The following UNC5C variants were observed in gnomAD, a reference collection of about 807,000 sequenced individuals.
The protein encoded by UNC5C is unc-5 netrin receptor C.
UNC5C carries 47 observed loss-of-function variants against 99.8 expected under a neutral mutation model. The observed-to-expected ratio is 0.47, with a 90% CI of 0.37 to 0.60. The LOEUF (loss-of-function observed/expected upper bound fraction) is 0.60, where lower values mean the gene tolerates loss of function less well. UNC5C is among the 20% of genes least tolerant of loss of function. The pLI, the probability that UNC5C is intolerant of heterozygous loss-of-function variation, is 0.00. For synonymous variants in UNC5C, 487 were observed against 452.2 expected, an observed-to-expected ratio of 1.08 and a Z score of -0.98; for missense variants, 1,062 against 1,165.9, an observed-to-expected ratio of 0.91 and a Z score of 1.30.
intron 3 of UNC5C, among the ~76,000 whole-genome samples, chr4:95,282,892 C>G (rs1741111207): frequency 6.6e-6 from 1 of 151,988 alleles, no homozygotes; most frequent in Non-Finnish European, 1.5e-5. Context: ...TGGTTTTGGA[C>G]TAAGGGGGTT....
chr4:95,245,172 G>T, intron 5 of UNC5C, 28 bp from the exon 6 acceptor site: 1 of 1,602,974 alleles, frequency 6.2e-7, no homozygotes, highest in East Asian at 2.2e-5. Flanking sequence ...GTAAAAAGTG[G>T]ATTAAACATG....
chr4:95,400,541 C>T (rs557984396), intron 1 of UNC5C, among the ~76,000 whole-genome samples: 4 of 151,864 alleles, frequency 2.6e-5, no homozygotes, highest in Admixed American at 2.0e-4. Flanking sequence ...TACAGGTGCC[C>T]GCCACCACGC....
At chr4:95,245,252 G>A (rs559202963) in intron 5 of UNC5C, 108 bp from the exon 6 acceptor site, 33 of 1,289,632 alleles carry the variant, frequency 2.6e-5, no homozygotes, top group Non-Finnish European at 3.3e-5. Flanking sequence ...TTTTCCAAGC[G>A]ACCATTATAA....
chr4:95,456,891 A>G (rs1214267593), intron 1 of UNC5C, among the ~76,000 whole-genome samples: 3 of 152,132 alleles, frequency 2.0e-5, no homozygotes, highest in Non-Finnish European at 2.9e-5. Flanking sequence ...TTCTATGACT[A>G]TAATTATTTT....
chr4:95,311,407 C>T (rs1742272221), intron 2 of UNC5C, among the ~76,000 whole-genome samples: 3 of 152,198 alleles, frequency 2.0e-5, no homozygotes. Flanking sequence ...TGTCCTAAAA[C>T]ACCGAATATA....
At chr4:95,454,192 C>T (rs892289475) in intron 1 of UNC5C, among the ~76,000 whole-genome samples, 5 of 152,080 alleles carry the variant, frequency 3.3e-5, no homozygotes, top group Non-Finnish European at 7.4e-5. Context: ...ACAACTGACA[C>T]TCTTCATTTG....
intron 1 of UNC5C, among the ~76,000 whole-genome samples, chr4:95,358,960 AAGG>A (rs1211946507): frequency 2.0e-5 from 3 of 152,218 alleles, no homozygotes; most frequent in Non-Finnish European, 4.4e-5. Flanking sequence ...AAAAAGTTCC[AAGG>A]ACTCTGGCTA....
chr4:95,393,425 T>A (rs1745416954), intron 1 of UNC5C, among the ~76,000 whole-genome samples: 1 of 152,148 alleles, frequency 6.6e-6, no homozygotes, highest in African/African-American at 2.4e-5. Flanking sequence ...AGGCTGTCAC[T>A]TGGAGATGAT....
intron 1 of UNC5C, among the ~76,000 whole-genome samples, chr4:95,482,452 G>A (rs908219607): frequency 4.1e-5 from 6 of 146,528 alleles, no homozygotes; most frequent in Non-Finnish European, 7.6e-5. Context: ...TCAGTGTGGC[G>A]ATTCCTCAGG....
At chr4:95,490,371 A>G (rs982820709) in intron 1 of UNC5C, among the ~76,000 whole-genome samples, 9 of 151,730 alleles carry the variant, frequency 5.9e-5, no homozygotes, top group African/African-American at 2.2e-4. Flanking sequence ...ATTCAGTCAC[A>G]TTTTATTGCT....
chr4:95,352,362 G>A (rs115228587), intron 1 of UNC5C, among the ~76,000 whole-genome samples: 5,727 of 152,102 alleles, frequency 0.038, 149 homozygotes, highest in Non-Finnish European at 0.055. Context: ...TCTTCTCACT[G>A]CCGTTTAGGT....
chr4:95,339,068 G>A (rs1297309238), intron 1 of UNC5C, among the ~76,000 whole-genome samples: 2 of 152,048 alleles, frequency 1.3e-5, no homozygotes, highest in Admixed American at 6.6e-5. Context: ...AAATGAAATT[G>A]CATCTTTATT....
intron 1 of UNC5C, among the ~76,000 whole-genome samples, chr4:95,526,956 G>T (rs1013134090): frequency 1.3e-5 from 2 of 152,002 alleles, no homozygotes; most frequent in Middle Eastern, 3.2e-3. Context: ...AGCACTAAAA[G>T]AAACCAATAA....
chr4:95,411,836 C>A (rs139864369), intron 1 of UNC5C, among the ~76,000 whole-genome samples: 2 of 152,110 alleles, frequency 1.3e-5, no homozygotes, highest in Admixed American at 1.3e-4. Flanking sequence ...TCCCTCCAAC[C>A]GGCCCTCTCC....
At chr4:95,396,000 C>G (rs918315098) in intron 1 of UNC5C, among the ~76,000 whole-genome samples, 1 of 152,164 alleles carries the variant, frequency 6.6e-6, no homozygotes. Flanking sequence ...AAGGAAACTT[C>G]TATGTTTCTA....
At chr4:95,395,988 A>T (rs181209776) in intron 1 of UNC5C, among the ~76,000 whole-genome samples, 1 of 152,358 alleles carries the variant, frequency 6.6e-6, no homozygotes, top group East Asian at 1.9e-4. Flanking sequence ...TGGCTTCATC[A>T]TAAGGAAACT....
chr4:95,548,253 T>C (rs1328004403), intron 1 of UNC5C, among the ~76,000 whole-genome samples: 1 of 151,752 alleles, frequency 6.6e-6, no homozygotes, highest in Non-Finnish European at 1.5e-5. Flanking sequence ...CCCTTCGGGG[T>C]CTAGTGTGCT....
intron 1 of UNC5C, among the ~76,000 whole-genome samples, chr4:95,533,850 A>G (rs764601259): frequency 2.0e-5 from 3 of 152,208 alleles, no homozygotes; most frequent in Non-Finnish European, 2.9e-5. Flanking sequence ...AAATAGTCTC[A>G]TATTTTTTGT....
At chr4:95,327,066 A>G (rs1387332704) in intron 2 of UNC5C, among the ~76,000 whole-genome samples, 1 of 152,224 alleles carries the variant, frequency 6.6e-6, no homozygotes, top group Non-Finnish European at 1.5e-5. Flanking sequence ...ATACGTTTCA[A>G]GACTTAATGT....
Sources: allele counts gnomAD v4.1 joint callset (sites outside exome capture counted in the v4.1 genomes callset), GRCh38; gene constraint gnomAD v4.1.1; transcripts MANE v1.5; gene names NCBI Gene and HGNC (gene_info 2026-07-23, HGNC 2026-07-21).